Variants in PFKFB2 observed in about 807,000 individuals in gnomAD.
PFKFB2 encodes 6-phosphofructo-2-kinase/fructose-2,6-bisphosphatase 2.
Under a neutral mutation model 68.0 loss-of-function variants are expected in PFKFB2, and 53 were observed. The ratio of observed to expected loss-of-function variants is 0.78; its 90% CI spans 0.63 to 0.98. PFKFB2 has a LOEUF of 0.98. Ranked by LOEUF, PFKFB2 falls within the 50% of genes least tolerant of loss-of-function variation. The pLI is 0.00. For missense variants in PFKFB2, 451 were observed against 642.0 expected (o/e 0.70, Z 3.22); for synonymous variants, 222 against 227.6 (o/e 0.98, Z 0.22).
intron 2 of PFKFB2, among the ~76,000 whole-genome samples, chr1:207,042,439 T>C (rs1331134891): frequency 1.3e-5 from 2 of 149,892 alleles, no homozygotes; most frequent in Non-Finnish European, 3.0e-5. Context: ...TCCCAGCTAC[T>C]TGGGAGGCTG....
At chr1:207,062,203 C>A in intron 3 of PFKFB2, 125 bp downstream of exon 3, 1 of 1,277,562 alleles carries the variant, frequency 7.8e-7, no homozygotes, top group Non-Finnish European at 1.1e-6. Flanking sequence ...CAGTTGCTTT[C>A]TGGTTTACTG....
chr1:207,048,987 G>A, upstream of PFKFB2: 1 of 1,580,122 alleles, frequency 6.3e-7, no homozygotes, highest in Non-Finnish European at 8.6e-7. Context: ...GGATGTGTGA[G>A]GTAGTAGGCT....
chr1:207,058,604 CT>C (rs1249727040), intron 2 of PFKFB2, among the ~76,000 whole-genome samples: 4 of 151,930 alleles, frequency 2.6e-5, no homozygotes, highest in Non-Finnish European at 5.9e-5. Context: ...TTTTGTAAAT[CT>C]TTTTTTTAAA....
In PFKFB2 at chr1:207,067,707, G is replaced by T. The variant is rs1315788211; in HGVS notation, c.840+1G>T. 1.2e-6 allele frequency: 2 copies of T among 1,610,654 alleles called. No homozygotes were observed. Among genetic ancestry groups the T allele is most frequent in the Non-Finnish European group, 1.7e-6 (2 of 1,177,344 alleles). On this transcript the variant is annotated splice_donor_variant, in intron 9 of 14. Transcript: ENST00000367080. LOFTEE classifies it high-confidence loss of function. Reference sequence around the variant, plus strand: ...TGGCCTCTCGGTGCGGGGAAAGCAGGTGAGTAATTATTCAGCACACTGGAT... The same window carrying T: ...TGGCCTCTCGGTGCGGGGAAAGCAGTTGAGTAATTATTCAGCACACTGGAT...
intron 1 of PFKFB2, among the ~76,000 whole-genome samples, chr1:207,037,780 C>G (rs1286213664): frequency 6.6e-6 from 1 of 152,140 alleles, no homozygotes; most frequent in Non-Finnish European, 1.5e-5. Flanking sequence ...TCTACATGGC[C>G]CAAGCCATCA....
Position 207,074,995 on chromosome 1 carries a change from G to T in PFKFB2, c.*2624G>T. 1.0e-6 allele frequency: 1 copy of T among 985,474 alleles called. No individual in the cohort carries two copies. The highest frequency in any genetic ancestry group is 1.2e-6 in the Non-Finnish European group (1 of 829,950). 61.0% of individuals were successfully genotyped at this position (985,474 alleles called of 1,614,324 possible). A position where few individuals can be genotyped will look rare whatever the true frequency, so the allele number is the denominator to read the frequency against. On this transcript the variant is annotated 3_prime_UTR_variant, in exon 15 of 15. Coordinates refer to ENST00000367080, the MANE Select transcript of PFKFB2 (RefSeq NM_006212.2). ...AGGTTGCATTGTCCACATTTGCTTGGATGGTGGCATCTGTAGCCCAAATGG... is the reference window on the plus strand; with the variant it reads ...AGGTTGCATTGTCCACATTTGCTTGTATGGTGGCATCTGTAGCCCAAATGG...
At chr1:207,042,549 CAAAA>C (rs57077682) in intron 2 of PFKFB2, among the ~76,000 whole-genome samples, 34 of 44,686 alleles carry the variant, frequency 7.6e-4, no homozygotes, top group Non-Finnish European at 1.1e-3. Context: ...CTCTGTCTCA[CAAAA>C]AAAAAAAAAA....
rs751842446 is a variant in PFKFB2, at chr1:207,070,442, C to T, written c.1222+33C>T. ...TGAGGGAGGGGCTGGGAGACACATC[C>T]AGTGGGAGAGGGCTGGACTTGCAGT... On this transcript the variant is annotated intron_variant, in intron 12 of 14. Transcript: ENST00000367080. The surrounding 1 kb of genome is among the most constrained non-coding windows in gnomAD (Gnocchi z 4.2). The T allele has an allele frequency of 2.1e-5, 34 of 1,608,868 alleles. No individual in the cohort carries two copies. The highest frequency in any genetic ancestry group is 2.8e-5 in the Non-Finnish European group (33 of 1,176,916).
At chr1:207,052,380 G>T, upstream of PFKFB2, 2 of 653,200 alleles carry the variant, frequency 3.1e-6, no homozygotes, top group Non-Finnish European at 5.3e-6. Context: ...CCACCGGGGT[G>T]GCCGGGCGCA....
chr1:207,059,964 G>A (rs1423315286), intron 2 of PFKFB2, among the ~76,000 whole-genome samples: 1 of 152,182 alleles, frequency 6.6e-6, no homozygotes, highest in Non-Finnish European at 1.5e-5. Flanking sequence ...GGTGGGAAGT[G>A]GGAGGTGAAG....
At chr1:207,065,327 C>A in intron 8 of PFKFB2, 167 bp downstream of exon 8, 1 of 983,362 alleles carries the variant, frequency 1.0e-6, no homozygotes, top group Non-Finnish European at 1.2e-6. Context: ...TGGATTGCAT[C>A]TTGTACATGA....
chr1:207,048,565 T>C (rs1332023525), upstream of PFKFB2: 1 of 157,832 alleles, frequency 6.3e-6, no homozygotes, highest in Non-Finnish European at 1.4e-5. Flanking sequence ...GCCTTCCACA[T>C]TACCCAAAAT....
At position 207,070,119 on chromosome 1, in the gene PFKFB2, A is replaced by G. The variant is rs1051938758; in HGVS notation, c.1093-161A>G. On this transcript the variant is annotated intron_variant, in intron 11 of 14. Coordinates refer to ENST00000367080, the MANE Select transcript of PFKFB2 (RefSeq NM_006212.2). This position sits in a 1 kb window ranked among gnomAD's most constrained non-coding sequence, Gnocchi z 4.2. ...GATCTGAGTTTTCTCAAGAGATACC[A>G]GGGCTGGGGGCAGTTAGCAGGTGAT... Among the ~76,000 whole-genome samples, 4 of 152,210 alleles carry G rather than the reference A, an allele frequency of 2.6e-5. No individual in the cohort carries two copies. The highest frequency in any genetic ancestry group is 1.3e-4 in the Admixed American group (2 of 15,278).
upstream of PFKFB2, chr1:207,052,268 T>G (rs879234898): frequency 6.3e-7 from 1 of 1,593,642 alleles, no homozygotes. Context: ...AATTTTTTTT[T>G]GCTGGTGCAA....
chr1:207,054,301 T>A (rs994287143), intron 1 of PFKFB2, among the ~76,000 whole-genome samples: 5 of 152,132 alleles, frequency 3.3e-5, no homozygotes, highest in African/African-American at 1.2e-4. Context: ...CTGCTGCCAC[T>A]ACTCTGCCCA....
chr1:207,041,750 T>C (rs1394561104), intron 1 of PFKFB2, among the ~76,000 whole-genome samples: 1 of 152,244 alleles, frequency 6.6e-6, no homozygotes, highest in East Asian at 1.9e-4. Context: ...ATATACTCAG[T>C]AATGGGATTG....
Position 207,073,198 on chromosome 1 carries a change from G to A in PFKFB2, c.*827G>A. 1.0e-6 allele frequency: 1 copy of A among 985,518 alleles called. No individual in the cohort carries two copies. Among genetic ancestry groups the A allele is most frequent in the Non-Finnish European group, 1.2e-6 (1 of 830,022 alleles). The allele number at this position is 985,518 out of a possible 1,614,324, so 61.0% of individuals were successfully genotyped here. A position where few individuals can be genotyped will look rare whatever the true frequency, so the allele number is the denominator to read the frequency against. Reference sequence around the variant, plus strand: ...GCTCTGAGCATGTGGGAAATGTCTTGGTTTTTATTTTTAATTTAGAGTCAG... The same window carrying A: ...GCTCTGAGCATGTGGGAAATGTCTTAGTTTTTATTTTTAATTTAGAGTCAG... On this transcript the variant is annotated 3_prime_UTR_variant, in exon 15 of 15. Coordinates refer to ENST00000367080, the MANE Select transcript of PFKFB2 (RefSeq NM_006212.2).
Position 207,076,239 on chromosome 1 carries a change from T to A in PFKFB2, c.*3868T>A, listed in dbSNP as rs1683617656. The A allele has an allele frequency of 1.0e-6, 1 of 977,452 alleles. No individual in the cohort carries two copies. The highest frequency in any genetic ancestry group is 4.7e-5 in the South Asian group (1 of 21,144). The allele number at this position is 977,452 out of a possible 1,614,324, so 60.5% of individuals were successfully genotyped here. A position where few individuals can be genotyped will look rare whatever the true frequency, so the allele number is the denominator to read the frequency against. ...CTGTTTGGAAATAAATTCATCTATG[T>A]TACTTTTTTTTTCTTTTTTTTTTTT... On this transcript the variant is annotated 3_prime_UTR_variant, in exon 15 of 15. Transcript: ENST00000367080.
Position 207,063,497 on chromosome 1 carries a change from C to T in PFKFB2, c.450+76C>T, listed in dbSNP as rs34093184. 1 of 973,656 alleles carries T rather than the reference C, an allele frequency of 1.0e-6. No homozygotes were observed. The highest frequency in any genetic ancestry group is 2.5e-5 in the East Asian group (1 of 39,848). The allele number at this position is 973,656 out of a possible 1,614,324, so 60.3% of individuals were successfully genotyped here. The stretch of plus-strand genomic sequence containing the variant: ...TCAGGCTACAGGCATGGATCTCTCA[C>T]TCTAGTGGGTGAGGACAGGATGGGA... On this transcript the variant is annotated intron_variant, in intron 6 of 14. Transcript: ENST00000367080. This position sits in a 1 kb window ranked among gnomAD's most constrained non-coding sequence, Gnocchi z 4.1.
Sources: allele counts gnomAD v4.1 joint callset (sites outside exome capture counted in the v4.1 genomes callset), GRCh38; gene constraint gnomAD v4.1.1; non-coding constraint Gnocchi (gnomAD v3.1); transcripts MANE v1.5; gene names NCBI Gene and HGNC (gene_info 2026-07-23, HGNC 2026-07-21).